P3H4: variants seen among roughly 807,000 people sequenced by gnomAD.
The protein encoded by P3H4 is prolyl 3-hydroxylase family member 4 (inactive), also known as endoplasmic reticulum protein SC65.
P3H4 carries 47 observed loss-of-function variants against 52.9 expected under a neutral mutation model. The ratio of observed to expected loss-of-function variants is 0.89; its 90% CI spans 0.70 to 1.13. The LOEUF (loss-of-function observed/expected upper bound fraction) is 1.13, where lower values mean the gene tolerates loss of function less well. Among genes scored for constraint, P3H4 ranks in the 50% most tolerant of loss-of-function variants. The probability of loss-of-function intolerance (pLI) is 0.00; values close to 1 mark genes in which losing one functional copy is unlikely to be tolerated. For missense variants in P3H4, 585 were observed against 611.0 expected, an observed-to-expected ratio of 0.96 and a Z score of 0.45; for synonymous variants, 256 against 267.9, an observed-to-expected ratio of 0.96 and a Z score of 0.44.
At chr17:41,806,950 C>T (rs2047680640) in intron 5 of P3H4, 71 bp from the exon 6 acceptor site, 2 of 1,232,876 alleles carry the variant, frequency 1.6e-6, no homozygotes, top group Non-Finnish European at 2.4e-6. Flanking sequence ...GCCAGGGCTC[C>T]TAGGATCTGG....
In P3H4 at chr17:41,811,405, C is replaced by A; in HGVS notation, c.462+49G>T. On this transcript the variant is annotated intron_variant, in intron 1 of 7. Transcript: ENST00000393928. This position sits in a 1 kb window ranked among gnomAD's most constrained non-coding sequence, Gnocchi z 4.8. The stretch of plus-strand genomic sequence containing the variant: ...GCTCCTTCGACCGATCTGTGGGGAG[C>A]CACGACGCCCAGCCCGAGACAGGTC... The A allele has an allele frequency of 6.2e-7, 1 of 1,607,924 alleles. No homozygotes were observed. Among genetic ancestry groups the A allele is most frequent in the Non-Finnish European group, 8.5e-7 (1 of 1,176,704 alleles).
chr17:41,807,898 A>T lies in P3H4; in HGVS notation c.1023T>A (p.Ala341=), dbSNP rs1477688229. Residue 341 remains alanine, a synonymous_variant, in exon 5 of 8, where the codon GCT becomes GCA. Coordinates refer to ENST00000393928, the MANE Select transcript of P3H4 (RefSeq NM_006455.3). ...QNLVYYRFHR[A]RWGLEEEDFQ... ...AGTCCTCCTCTTCCAGGCCCCAGCG[A>T]GCCCGGTGGAACCGGTAATACACCA... is the stretch of plus-strand genomic sequence containing the variant. 5 of 1,614,020 alleles carry T rather than the reference A, an allele frequency of 3.1e-6. No individual in the cohort carries two copies. Among genetic ancestry groups the T allele is most frequent in the Non-Finnish European group, 4.2e-6 (5 of 1,180,004 alleles).
chr17:41,804,068 C>T lies in P3H4; in HGVS notation c.1147-637G>A, dbSNP rs1453561720. ...CTGGGTTCACGCCATTCTCCTGCCT[C>T]AGCCTCCCCAGCAGCTGGGAATATA... On this transcript the variant is annotated intron_variant, in intron 6 of 7. Transcript: ENST00000393928. Among the ~76,000 whole-genome samples, 6 of 152,066 alleles carry T rather than the reference C, an allele frequency of 3.9e-5. No homozygotes were observed. The East Asian group carries it at 9.7e-4, about 25-fold the overall frequency.
chr17:41,806,129 G>C (rs1468068069), intron 6 of P3H4, among the ~76,000 whole-genome samples: 2 of 151,938 alleles, frequency 1.3e-5, no homozygotes, highest in Non-Finnish European at 2.9e-5. Flanking sequence ...TGAGGCAGGA[G>C]CATCGTGTGA....
Position 41,803,476 on chromosome 17 carries a change from C to A in P3H4, c.1147-45G>T, listed in dbSNP as rs782138201. On this transcript the variant is annotated intron_variant, in intron 6 of 7. Transcript: ENST00000393928. ...GTGGGAGAAACCGGGTCACAGTACG[C>A]CCAAACCCATATGGGCTCCCTTCCT... 1.9e-6 allele frequency: 3 copies of A among 1,593,882 alleles called. No individual in the cohort carries two copies. In the East Asian group the frequency reaches 6.8e-5, roughly 36 times the overall value.
intron 7 of P3H4, 146 bp from the exon 8 acceptor site, chr17:41,803,125 C>A: frequency 7.1e-7 from 1 of 1,410,748 alleles, no homozygotes; most frequent in Non-Finnish European, 9.6e-7. Context: ...TGCACCACCA[C>A]CCCCAAGCGG....
chr17:41,809,675 C>T (rs1185805355), intron 4 of P3H4, 31 bp downstream of exon 4: 3 of 1,608,344 alleles, frequency 1.9e-6, no homozygotes, highest in African/African-American at 2.7e-5. Flanking sequence ...ACCTCGTCCC[C>T]TGCCCAAGCC....
intron 3 of P3H4, 80 bp from the exon 4 acceptor site, chr17:41,809,914 A>C: frequency 6.6e-7 from 1 of 1,523,840 alleles, no homozygotes; most frequent in East Asian, 2.3e-5. Context: ...CTCTAAATCC[A>C]ATCTCTGCCT....
At position 41,809,829 on chromosome 17, in the gene P3H4, A is replaced by AC. The variant is rs2047711000; in HGVS notation, c.792_793insG (p.Phe265ValfsTer12). 6.2e-7 allele frequency: 1 copy of AC among 1,611,422 alleles called. No individual in the cohort carries two copies. Among genetic ancestry groups the AC allele is most frequent in the Non-Finnish European group, 8.5e-7 (1 of 1,178,504 alleles). ...ACCTTGCACTGCAGGGACTCTGCAA[A>AC]GAGATCTGAGGGTGGGAGGCAGCAG... On this transcript the variant is annotated frameshift_variant, in exon 4 of 8. Transcript: ENST00000393928. LOFTEE classifies it high-confidence loss of function.
At chr17:41,808,182 G>A (rs2047694552) in intron 4 of P3H4, among the ~76,000 whole-genome samples, 178 bp from the exon 5 acceptor site, 1 of 152,134 alleles carries the variant, frequency 6.6e-6, no homozygotes, top group Admixed American at 6.5e-5. Context: ...CCTATGCCAG[G>A]CCCTGACTAA....
chr17:41,807,038 T>G (rs886953429), intron 5 of P3H4, 159 bp from the exon 6 acceptor site: 35 of 611,432 alleles, frequency 5.7e-5, no homozygotes, highest in Non-Finnish European at 9.7e-5. Context: ...CGTGGCTGCT[T>G]GGAACACTGG....
chr17:41,804,590 T>C (rs1555613935), intron 6 of P3H4, among the ~76,000 whole-genome samples: 1 of 152,130 alleles, frequency 6.6e-6, no homozygotes, highest in African/African-American at 2.4e-5. Flanking sequence ...ACTGCACCAC[T>C]GCACTCCAGC....
In P3H4 at chr17:41,811,450, C is replaced by T. The variant is rs782586320; in HGVS notation, c.462+4G>A. ...CAGGTCCCCGGGTGGGGGCGGGCTC[C>T]CACCTTGAACAGCGCGTAGTGCAGG... is the stretch of plus-strand genomic sequence containing the variant. On this transcript the variant is annotated splice_donor_region_variant and intron_variant, in intron 1 of 7. Transcript: ENST00000393928. The surrounding 1 kb of genome is among the most constrained non-coding windows in gnomAD (Gnocchi z 4.8). 2.5e-6 allele frequency: 4 copies of T among 1,612,050 alleles called. No homozygotes were observed. In the East Asian group the frequency reaches 6.7e-5, roughly 27 times the overall value.
chr17:41,803,154 G>A, intron 7 of P3H4, 133 bp downstream of exon 7: 1 of 1,453,480 alleles, frequency 6.9e-7, no homozygotes, highest in Non-Finnish European at 9.3e-7. Flanking sequence ...TTGCCAACAG[G>A]CTGGAGGCCC....
Position 41,811,420 on chromosome 17 carries a change from C to A in P3H4, c.462+34G>T, listed in dbSNP as rs2047735465. 1 of 1,610,146 alleles carries A rather than the reference C, an allele frequency of 6.2e-7. No homozygotes were observed. Among genetic ancestry groups the A allele is most frequent in the Admixed American group, 1.7e-5 (1 of 59,780 alleles). ...CTGTGGGGAGCCACGACGCCCAGCC[C>A]GAGACAGGTCCCCGGGTGGGGGCGG... On this transcript the variant is annotated intron_variant, in intron 1 of 7. Transcript: ENST00000393928. The surrounding 1 kb of genome is among the most constrained non-coding windows in gnomAD (Gnocchi z 4.8).
Position 41,809,794 on chromosome 17 carries a change from C to T in P3H4, c.828G>A (p.Glu276=), listed in dbSNP as rs1555614704. The part of the protein sequence containing the change: ...AESLQCKVDC[E]ANLTPNVGGY... ...CACCCACATTGGGGGTCAAATTGGCCTCACAGTCCACCTTGCACTGCAGGG... is the reference window on the plus strand; with the variant it reads ...CACCCACATTGGGGGTCAAATTGGCTTCACAGTCCACCTTGCACTGCAGGG... The change falls in exon 4 of 8, where the codon GAG becomes GAA. Residue 276 remains glutamate (E), a synonymous_variant. Coordinates refer to ENST00000393928, the MANE Select transcript of P3H4 (RefSeq NM_006455.3). The T allele has an allele frequency of 4.3e-6, 7 of 1,613,942 alleles. No homozygotes were observed. The highest frequency in any genetic ancestry group is 5.9e-6 in the Non-Finnish European group (7 of 1,179,988).
chr17:41,806,227 A>G (rs149576225), intron 6 of P3H4, among the ~76,000 whole-genome samples: 1 of 151,926 alleles, frequency 6.6e-6, no homozygotes, highest in Admixed American at 6.6e-5. Flanking sequence ...TCAAAAAAAA[A>G]AAATAAATAA....
chr17:41,808,397 GT>G (rs1176812991), intron 4 of P3H4, among the ~76,000 whole-genome samples: 1 of 151,956 alleles, frequency 6.6e-6, no homozygotes, highest in Admixed American at 6.6e-5. Flanking sequence ...GTATGTTTTT[GT>G]TTGTTTTGAG....
In P3H4 at chr17:41,811,753, T is replaced by C; in HGVS notation, c.163A>G (p.Ser55Gly). The change falls in exon 1 of 8, where the codon AGC (serine) becomes GGC (glycine). Residue 55 changes from serine (S) to glycine (G), a missense_variant. Physicochemically the swap from Ser to Gly is moderately conservative, Grantham distance 56. Coordinates refer to ENST00000393928, the MANE Select transcript of P3H4 (RefSeq NM_006455.3). This position sits in a 1 kb window ranked among gnomAD's most constrained non-coding sequence, Gnocchi z 4.8. ...EQYEGESWRE[S>G]ARYLEAALRL... ...AGCGCCGCCTCCAGGTAGCGCGCGC[T>C]CTCGCGCCAGCTCTCTCCCTCGTAC... The C allele has an allele frequency of 2.0e-6, 3 of 1,522,638 alleles. No individual in the cohort carries two copies. Among genetic ancestry groups the C allele is most frequent in the Middle Eastern group, 3.4e-4 (2 of 5,872 alleles). The allele number at this position is 1,522,638 out of a possible 1,614,324, so 94.3% of individuals were successfully genotyped here.
Sources: gnomAD v4.1 joint callset for allele counts (sites outside exome capture counted in the v4.1 genomes callset) on GRCh38, gnomAD v4.1.1 for gene constraint, Gnocchi (gnomAD v3.1) non-coding constraint, MANE v1.5 for transcripts, NCBI Gene and HGNC (gene_info 2026-07-23, HGNC 2026-07-21) for gene names.